Variants in RALYL observed in about 807,000 individuals in gnomAD.
RALYL encodes the protein RNA-binding Raly-like protein.
A neutral mutation model predicts 35.1 loss-of-function variants in RALYL; 29 were observed. The ratio of observed to expected loss-of-function variants is 0.83; its 90% CI spans 0.61 to 1.13. The LOEUF is 1.13. RALYL is among the 50% of genes most tolerant of loss of function. The pLI, the probability that RALYL is intolerant of heterozygous loss-of-function variation, is 0.00. For synonymous variants in RALYL, 120 were observed against 127.6 expected, an observed-to-expected ratio of 0.94 and a Z score of 0.40; for missense variants, 359 against 360.4, an observed-to-expected ratio of 1.00 and a Z score of 0.03.
At chr8:84,909,526 T>C (rs78807036) in intron 8 of RALYL, among the ~76,000 whole-genome samples, 6,217 of 152,168 alleles carry the variant, frequency 0.041, 398 homozygotes, top group African/African-American at 0.14. Flanking sequence ...TGGGTAACAA[T>C]GATGTTGAGA....
At chr8:84,589,918 G>T (rs1564195977) in intron 2 of RALYL, among the ~76,000 whole-genome samples, 1 of 152,186 alleles carries the variant, frequency 6.6e-6, no homozygotes, top group Non-Finnish European at 1.5e-5. Context: ...CATTGAACAT[G>T]ATAAATTGAT....
chr8:84,251,412 C>T (rs1830168245), intron 1 of RALYL, among the ~76,000 whole-genome samples: 1 of 152,032 alleles, frequency 6.6e-6, no homozygotes, highest in Non-Finnish European at 1.5e-5. Context: ...CTGACTCTTA[C>T]ATAATAAAAT....
intron 1 of RALYL, among the ~76,000 whole-genome samples, chr8:84,389,196 A>T (rs991424836): frequency 8.6e-5 from 13 of 152,020 alleles, no homozygotes; most frequent in Non-Finnish European, 1.5e-4. Flanking sequence ...TGTTCCATTG[A>T]TCTATATCTC....
chr8:84,882,422 T>G (rs73688619), intron 7 of RALYL, among the ~76,000 whole-genome samples: 1,805 of 152,156 alleles, frequency 0.012, 39 homozygotes, highest in African/African-American at 0.041. Context: ...ACATTTTACT[T>G]TGACTTTGTG....
intron 7 of RALYL, among the ~76,000 whole-genome samples, chr8:84,886,686 A>T (rs1243739709): frequency 6.6e-6 from 1 of 152,202 alleles, no homozygotes; most frequent in Non-Finnish European, 1.5e-5. Flanking sequence ...CACCCACTAG[A>T]GGAAATAATT....
At chr8:84,460,593 A>G (rs2050653861) in intron 1 of RALYL, among the ~76,000 whole-genome samples, 1 of 151,760 alleles carries the variant, frequency 6.6e-6, no homozygotes, top group South Asian at 2.1e-4. Context: ...TGCAATCTAA[A>G]AAAGGGGGAA....
At chr8:84,861,672 G>A (rs1838123181) in intron 5 of RALYL, among the ~76,000 whole-genome samples, 1 of 152,144 alleles carries the variant, frequency 6.6e-6, no homozygotes, top group Non-Finnish European at 1.5e-5. Context: ...CCTCACGCTA[G>A]CTTCATGTCA....
At chr8:84,499,754 ATTATTTAT>A (rs557619171) in intron 1 of RALYL, among the ~76,000 whole-genome samples, 1 of 151,934 alleles carries the variant, frequency 6.6e-6, no homozygotes, top group East Asian at 1.9e-4. Flanking sequence ...AAATGATGTG[ATTATTTAT>A]TTATTTATTT....
At chr8:84,559,001 T>C (rs902554574) in intron 2 of RALYL, among the ~76,000 whole-genome samples, 3 of 152,166 alleles carry the variant, frequency 2.0e-5, no homozygotes, top group African/African-American at 7.2e-5. Flanking sequence ...CACATTTTCA[T>C]GTCATTACCA....
At chr8:84,798,843 C>A (rs1029818142) in intron 3 of RALYL, among the ~76,000 whole-genome samples, 3 of 151,968 alleles carry the variant, frequency 2.0e-5, no homozygotes, top group Non-Finnish European at 2.9e-5. Context: ...AAGCAGGATG[C>A]GGGAAAGCAA....
In RALYL at chr8:84,369,015, A is replaced by T. The variant is rs527911902; in HGVS notation, c.-23-160284A>T. Among the ~76,000 whole-genome samples, 3 of 152,194 alleles carry T rather than the reference A, an allele frequency of 2.0e-5. No homozygotes were observed. In the South Asian group the frequency reaches 6.2e-4, roughly 31 times the overall value. ...GGAAACAAAGCTTTTAACTTTAAAAAGGTTTTAGGCTTGAGCTATATGCAT... is the reference window on the plus strand; with the variant it reads ...GGAAACAAAGCTTTTAACTTTAAAATGGTTTTAGGCTTGAGCTATATGCAT... On this transcript the variant is annotated intron_variant, in intron 1 of 8. Transcript: ENST00000521268.
At chr8:84,838,337 C>T (rs537072834) in intron 4 of RALYL, among the ~76,000 whole-genome samples, 1 of 152,258 alleles carries the variant, frequency 6.6e-6, no homozygotes, top group South Asian at 2.1e-4. Context: ...CAAAAAAGGA[C>T]TGAGGAGGGT....
At chr8:84,392,542 G>T (rs1860931076) in intron 1 of RALYL, among the ~76,000 whole-genome samples, 1 of 150,734 alleles carries the variant, frequency 6.6e-6, no homozygotes, top group South Asian at 2.1e-4. Context: ...ATACATCTCT[G>T]TATGTGGAAT....
chr8:84,198,088 G>A (rs2130960380), intron 1 of RALYL, among the ~76,000 whole-genome samples: 1 of 152,198 alleles, frequency 6.6e-6, no homozygotes, highest in East Asian at 1.9e-4. Flanking sequence ...CTCTTTAGTA[G>A]GATGTAGGTA....
intron 1 of RALYL, among the ~76,000 whole-genome samples, chr8:84,301,519 G>A (rs1280403740): frequency 6.6e-6 from 1 of 151,884 alleles, no homozygotes; most frequent in Non-Finnish European, 1.5e-5. Flanking sequence ...TACTTTTAAC[G>A]ATAGTGCGAG....
At chr8:84,185,185 T>C (rs1812192109) in intron 1 of RALYL, 6 of 700,540 alleles carry the variant, frequency 8.6e-6, no homozygotes, top group Non-Finnish European at 1.5e-5. Context: ...TTGGGTTTAA[T>C]GTTGAGGACG....
At chr8:84,713,131 A>G (rs1842449522) in intron 2 of RALYL, among the ~76,000 whole-genome samples, 2 of 151,960 alleles carry the variant, frequency 1.3e-5, no homozygotes, top group African/African-American at 4.8e-5. Context: ...GTATTTTTGT[A>G]TATGGGGTGA....
chr8:84,198,256 G>A (rs1477441084), intron 1 of RALYL, among the ~76,000 whole-genome samples: 1 of 152,164 alleles, frequency 6.6e-6, no homozygotes, highest in Non-Finnish European at 1.5e-5. Context: ...TGTCTTAACA[G>A]TTATTCTACA....
At chr8:84,523,813 A>G (rs1163264507) in intron 1 of RALYL, among the ~76,000 whole-genome samples, 1 of 151,410 alleles carries the variant, frequency 6.6e-6, no homozygotes, top group African/African-American at 2.4e-5. Context: ...ATGCTTTCCA[A>G]TTTCATCCAT....
Sources: gnomAD v4.1 joint callset for allele counts (sites outside exome capture counted in the v4.1 genomes callset) on GRCh38, gnomAD v4.1.1 for gene constraint, MANE v1.5 for transcripts, NCBI Gene and HGNC (gene_info 2026-07-23, HGNC 2026-07-21) for gene names.